MYRIP: variants seen among roughly 807,000 people sequenced by gnomAD.
The protein encoded by MYRIP is myosin VIIA and Rab interacting protein.
A neutral mutation model predicts 98.0 loss-of-function variants in MYRIP; 49 were observed. That is an observed-to-expected ratio of 0.50 (90% confidence interval 0.40 to 0.63). MYRIP has a LOEUF of 0.63. MYRIP is among the 30% of genes least tolerant of loss of function. MYRIP has a pLI of 0.00. For missense variants in MYRIP, 1,004 were observed against 1,058.2 expected (o/e 0.95, Z 0.71); for synonymous variants, 404 against 409.5 (o/e 0.99, Z 0.16).
chr3:39,969,061 C>T (rs973530920), intron 2 of MYRIP, among the ~76,000 whole-genome samples: 34 of 151,990 alleles, frequency 2.2e-4, no homozygotes, highest in African/African-American at 5.8e-4. Context: ...AGCTATGTTC[C>T]TAGGTATTTT....
rs181676178 is a variant in MYRIP at position 39,959,307 on chromosome 3, A to G, written c.110+58381A>G. On this transcript the variant is annotated intron_variant, in intron 2 of 16. Transcript: ENST00000302541. ...ATCAATGATAGACTGAATTAAGAAA[A>G]TGTGGCACATATACACCATGGAATA... Among the ~76,000 whole-genome samples, 998 of 152,358 alleles carry G rather than the reference A, an allele frequency of 6.6e-3. 4 individuals carry two copies. Among genetic ancestry groups the G allele is most frequent in the Non-Finnish European group, 9.4e-3 (637 of 68,042 alleles).
At chr3:40,146,428 A>C (rs1950012312) in intron 3 of MYRIP, among the ~76,000 whole-genome samples, 1 of 152,212 alleles carries the variant, frequency 6.6e-6, no homozygotes, top group African/African-American at 2.4e-5. Context: ...GTGCTCAGGA[A>C]AACCCATTTG....
chr3:39,951,716 C>T (rs1398220964), intron 2 of MYRIP, among the ~76,000 whole-genome samples: 3 of 151,976 alleles, frequency 2.0e-5, no homozygotes, highest in African/African-American at 7.2e-5. Flanking sequence ...CATACAAAAA[C>T]AGGTGAGGGG....
chr3:40,119,959 C>CA (rs1437124218), intron 3 of MYRIP, among the ~76,000 whole-genome samples: 1 of 151,512 alleles, frequency 6.6e-6, no homozygotes, highest in Non-Finnish European at 1.5e-5. Context: ...AACTAATACA[C>CA]AAAAAGAGAG....
intron 3 of MYRIP, among the ~76,000 whole-genome samples, chr3:40,116,872 C>T (rs1448775999): frequency 1.3e-5 from 2 of 152,164 alleles, no homozygotes; most frequent in East Asian, 3.9e-4. Flanking sequence ...TTGATTTTGC[C>T]ATGAACCTCT....
intron 8 of MYRIP, among the ~76,000 whole-genome samples, chr3:40,170,570 T>C (rs1229697827): frequency 6.6e-6 from 1 of 152,234 alleles, no homozygotes. Flanking sequence ...GTCTGTCACC[T>C]TGAGTCACAG....
At chr3:39,930,829 A>G (rs552497378) in intron 2 of MYRIP, among the ~76,000 whole-genome samples, 1 of 152,076 alleles carries the variant, frequency 6.6e-6, no homozygotes, top group African/African-American at 2.4e-5. Flanking sequence ...TAACCAATTC[A>G]CTATAAATTT....
At chr3:39,866,462 T>C (rs1942628598) in intron 1 of MYRIP, among the ~76,000 whole-genome samples, 1 of 152,114 alleles carries the variant, frequency 6.6e-6, no homozygotes, top group South Asian at 2.1e-4. Context: ...TACAATCACA[T>C]CAAAAATAAT....
intron 2 of MYRIP, among the ~76,000 whole-genome samples, chr3:40,021,374 ATTCTC>A (rs1392679682): frequency 6.6e-6 from 1 of 152,200 alleles, no homozygotes; most frequent in Non-Finnish European, 1.5e-5. Context: ...CTTTACAAAT[ATTCTC>A]TTCTAGATGG....
At chr3:40,057,743 A>G (rs988144821) in intron 3 of MYRIP, among the ~76,000 whole-genome samples, 14 of 152,204 alleles carry the variant, frequency 9.2e-5, no homozygotes, top group Admixed American at 6.5e-4. Flanking sequence ...AACATCTTCC[A>G]GAGGAAGGGA....
At chr3:39,874,731 G>T (rs1245994630) in intron 1 of MYRIP, among the ~76,000 whole-genome samples, 1 of 152,156 alleles carries the variant, frequency 6.6e-6, no homozygotes. Flanking sequence ...TGTGCTGCTG[G>T]ATTCGGTTTA....
chr3:39,843,088 G>C (rs1419719350), intron 1 of MYRIP, among the ~76,000 whole-genome samples: 1 of 152,218 alleles, frequency 6.6e-6, no homozygotes, highest in Non-Finnish European at 1.5e-5. Context: ...TGTTAAAGAT[G>C]ATTAAACAAT....
chr3:40,064,001 G>A (rs1948076771), intron 3 of MYRIP, among the ~76,000 whole-genome samples: 1 of 151,970 alleles, frequency 6.6e-6, no homozygotes, highest in South Asian at 2.1e-4. Context: ...GAACAGGAGG[G>A]AAGGGCAGGC....
chr3:40,059,478 A>C (rs1167696745), intron 3 of MYRIP, among the ~76,000 whole-genome samples: 2 of 152,108 alleles, frequency 1.3e-5, no homozygotes, highest in Non-Finnish European at 2.9e-5. Context: ...CACCATTCTA[A>C]CTGGCATGAG....
intron 10 of MYRIP, among the ~76,000 whole-genome samples, chr3:40,205,133 C>G (rs1457756958): frequency 6.6e-6 from 1 of 152,180 alleles, no homozygotes; most frequent in African/African-American, 2.4e-5. Context: ...TGATTGCACT[C>G]TGATTCTGCT....
intron 3 of MYRIP, among the ~76,000 whole-genome samples, chr3:40,124,198 C>T (rs1024140949): frequency 6.6e-6 from 1 of 152,194 alleles, no homozygotes; most frequent in African/African-American, 2.4e-5. Flanking sequence ...CATCTTCTAT[C>T]TGCCCCATCC....
chr3:40,108,300 G>T (rs1030070087), intron 3 of MYRIP, among the ~76,000 whole-genome samples: 1 of 150,932 alleles, frequency 6.6e-6, no homozygotes. Context: ...ATAATTTAAG[G>T]CATGTTGTGT....
intron 2 of MYRIP, among the ~76,000 whole-genome samples, chr3:40,028,850 A>T (rs1237504568): frequency 6.6e-6 from 1 of 152,200 alleles, no homozygotes; most frequent in Non-Finnish European, 1.5e-5. Context: ...TAATCTAATA[A>T]GTGAGAGATG....
chr3:40,010,410 AG>A (rs1575462292), intron 2 of MYRIP, among the ~76,000 whole-genome samples: 1 of 152,330 alleles, frequency 6.6e-6, no homozygotes, highest in East Asian at 1.9e-4. Context: ...ATATTCTAGT[AG>A]GAGACAGCCA....
Sources: allele counts gnomAD v4.1 joint callset (sites outside exome capture counted in the v4.1 genomes callset), GRCh38; gene constraint gnomAD v4.1.1; transcripts MANE v1.5; gene names NCBI Gene and HGNC (gene_info 2026-07-23, HGNC 2026-07-21).